Variants in CACNA1I observed in about 807,000 individuals in gnomAD.
The protein encoded by CACNA1I is voltage-dependent T-type calcium channel subunit alpha-1I.
CACNA1I carries 74 observed loss-of-function variants against 201.6 expected under a neutral mutation model. That is an observed-to-expected ratio of 0.37 (90% CI 0.30 to 0.45). The LOEUF is 0.45. Among genes scored for constraint, CACNA1I ranks in the 20% least tolerant of loss-of-function variants. The pLI is 1.00. For missense variants in CACNA1I, 2,346 were observed against 3,138.1 expected, an observed-to-expected ratio of 0.75 and a Z score of 6.03; for synonymous variants, 1,431 against 1,345.2, an observed-to-expected ratio of 1.06 and a Z score of -1.40.
chr22:39,686,140 T>C lies in CACNA1I; in HGVS notation c.6407T>C (p.Phe2136Ser). The C allele has an allele frequency of 8.1e-7, 1 of 1,229,286 alleles. No homozygotes were observed. Among genetic ancestry groups the C allele is most frequent in the Non-Finnish European group, 1.0e-6 (1 of 983,466 alleles). The allele number at this position is 1,229,286 out of a possible 1,614,324, so 76.1% of individuals were successfully genotyped here. A position where few individuals can be genotyped will look rare whatever the true frequency, so the allele number is the denominator to read the frequency against. The change falls in exon 37 of 37, where the codon TTC becomes TCC. Residue 2136 changes from phenylalanine to serine, a missense_variant. Coordinates refer to ENST00000402142, the MANE Select transcript of CACNA1I (RefSeq NM_021096.4). ...TLSSLSLTSL[F>S]CPPPPPPAPG... ...AGCAGCCTCTCGCTCACCTCCCTCT[T>C]CTGCCCGCCGCCCCCGCCGCCAGCC...
Position 39,684,584 on chromosome 22 carries a change from A to G in CACNA1I, c.6027+86A>G. Reference sequence around the variant, plus strand: ...AGGCCTGGAAGTCCAAGGGACTGGGAGGGGAAGGACCCAACCAAAGGCCGA... The same window carrying G: ...AGGCCTGGAAGTCCAAGGGACTGGGGGGGGAAGGACCCAACCAAAGGCCGA... On this transcript the variant is annotated intron_variant, in intron 36 of 36. Coordinates refer to ENST00000402142, the MANE Select transcript of CACNA1I (RefSeq NM_021096.4). The surrounding 1 kb of genome is among the most constrained non-coding windows in gnomAD (Gnocchi z 4.6). The G allele has an allele frequency of 6.9e-7, 1 of 1,451,470 alleles. No homozygotes were observed. Among genetic ancestry groups the G allele is most frequent in the Non-Finnish European group, 9.5e-7 (1 of 1,055,414 alleles). The allele number at this position is 1,451,470 out of a possible 1,614,324, so 89.9% of individuals were successfully genotyped here.
Position 39,659,057 on chromosome 22 carries a change from G to A in CACNA1I, c.2271G>A (p.Lys757=), listed in dbSNP as rs1934914792. 6 of 1,613,378 alleles carry A rather than the reference G, an allele frequency of 3.7e-6. No homozygotes were observed. Among genetic ancestry groups the A allele is most frequent in the Non-Finnish European group, 5.1e-6 (6 of 1,179,798 alleles). ...ALRRQLVVLM[K]TMDNVATFCM... is the part of the protein sequence containing the mutation. The stretch of plus-strand genomic sequence containing the variant: ...GGCGCCAGCTCGTGGTGCTCATGAA[G>A]ACCATGGACAACGTGGCCACCTTCT... The change falls in exon 12 of 37, where the codon AAG becomes AAA. Residue 757 remains lysine (K), a synonymous_variant. Transcript: ENST00000402142. The surrounding 1 kb of genome is among the most constrained non-coding windows in gnomAD (Gnocchi z 4.3).
In CACNA1I at chr22:39,679,349, C is replaced by G; in HGVS notation, c.5298C>G (p.Thr1766=). 2 of 1,541,070 alleles carry G rather than the reference C, an allele frequency of 1.3e-6. No homozygotes were observed. Among genetic ancestry groups the G allele is most frequent in the Middle Eastern group, 1.8e-4 (1 of 5,462 alleles). The part of the protein sequence containing the change: ...HGLGPGPRLP[T]GSPGAPGRGP... ...TGGGCCCTGGCCCGAGGCTGCCTAC[C>G]GGCTCCCCGGGCGCCCCTGGCCGAG... is the stretch of plus-strand genomic sequence containing the variant. The change falls in exon 32 of 37, where the codon ACC becomes ACG. Residue 1766 remains threonine (T), a synonymous_variant. Transcript: ENST00000402142.
chr22:39,632,757 T>G (rs1370490505), intron 4 of CACNA1I, among the ~76,000 whole-genome samples: 2 of 152,196 alleles, frequency 1.3e-5, no homozygotes, highest in East Asian at 3.9e-4. Flanking sequence ...GGCCTGCAGT[T>G]GGCCTACTTG....
At chr22:39,662,941 C>A in intron 18 of CACNA1I, 65 bp downstream of exon 18, 2 of 1,116,438 alleles carry the variant, frequency 1.8e-6, no homozygotes, top group Non-Finnish European at 2.6e-6. Context: ...CGGATCTCTG[C>A]CAAGCCAGGC....
chr22:39,651,140 AAC>A (rs1569080414), intron 10 of CACNA1I, among the ~76,000 whole-genome samples: 1 of 152,158 alleles, frequency 6.6e-6, no homozygotes, highest in African/African-American at 2.4e-5. Flanking sequence ...CCTGAGGTCC[AAC>A]GGCGGGGAAG....
At chr22:39,576,222 A>G (rs1245130868) in intron 1 of CACNA1I, among the ~76,000 whole-genome samples, 1 of 152,202 alleles carries the variant, frequency 6.6e-6, no homozygotes, top group Non-Finnish European at 1.5e-5. Flanking sequence ...GGTTCCTGTA[A>G]AGCACCCAGC....
At chr22:39,605,733 A>G (rs936990672) in intron 3 of CACNA1I, among the ~76,000 whole-genome samples, 2 of 152,072 alleles carry the variant, frequency 1.3e-5, no homozygotes, top group Non-Finnish European at 2.9e-5. Context: ...GTGTCACTGT[A>G]TGTCACACTG....
At position 39,680,955 on chromosome 22, in the gene CACNA1I, T is replaced by G; in HGVS notation, c.5567T>G (p.Phe1856Cys). 1.6e-5 allele frequency: 26 copies of G among 1,611,450 alleles called. No individual in the cohort carries two copies. The highest frequency in any genetic ancestry group is 2.2e-5 in the Non-Finnish European group (26 of 1,179,460). ...GTGCAGCTGGCTGAGACGGAGGCCTTCTCCCTGAACTCAGACAGGTCCTCG... is the reference window on the plus strand; with the variant it reads ...GTGCAGCTGGCTGAGACGGAGGCCTGCTCCCTGAACTCAGACAGGTCCTCG... ...QEVQLAETEAFSLNSDRSSSI... is the reference protein window; with the variant it reads ...QEVQLAETEACSLNSDRSSSI... The change falls in exon 34 of 37, where the codon TTC (phenylalanine) becomes TGC (cysteine). Residue 1856 changes from phenylalanine to cysteine, a missense_variant. By Grantham distance (205) the Phe-to-Cys change is radical. Transcript: ENST00000402142.
chr22:39,606,415 C>A (rs1045762668), intron 3 of CACNA1I, among the ~76,000 whole-genome samples: 2 of 152,250 alleles, frequency 1.3e-5, no homozygotes, highest in Non-Finnish European at 2.9e-5. Context: ...ATTCCATGCA[C>A]TTCCTGCACT....
At chr22:39,634,507 TTCGTC>T in intron 4 of CACNA1I, 53 bp from the exon 5 acceptor site, 1 of 1,566,254 alleles carries the variant, frequency 6.4e-7, no homozygotes, top group Non-Finnish European at 8.8e-7. Context: ...CTCTCACTCT[TTCGTC>T]TCTGGGACCT....
chr22:39,671,637 C>T lies in CACNA1I; in HGVS notation c.4540-562C>T, dbSNP rs370610433. On this transcript the variant is annotated intron_variant, in intron 26 of 36. Coordinates refer to ENST00000402142, the MANE Select transcript of CACNA1I (RefSeq NM_021096.4). Reference sequence around the variant, plus strand: ...GAGGGGAAGAAGAGGGAAGCAGAGCCGCCAGGTGTGAAATTAATACCTTAT... The same window carrying T: ...GAGGGGAAGAAGAGGGAAGCAGAGCTGCCAGGTGTGAAATTAATACCTTAT... 9.2e-5 allele frequency among the ~76,000 whole-genome samples: 14 copies of T among 151,970 alleles called. No homozygotes were observed. The South Asian group carries it at 1.7e-3, about 18-fold the overall frequency.
chr22:39,615,702 A>G (rs753186396), intron 3 of CACNA1I, among the ~76,000 whole-genome samples: 38 of 152,148 alleles, frequency 2.5e-4, no homozygotes, highest in Non-Finnish European at 4.3e-4. Flanking sequence ...ACGATTCTTC[A>G]CTGTGCAGCT....
chr22:39,675,251 G>A (rs1360862682), intron 29 of CACNA1I, among the ~76,000 whole-genome samples: 1 of 152,256 alleles, frequency 6.6e-6, no homozygotes, highest in Non-Finnish European at 1.5e-5. Flanking sequence ...CGGCGGTGAG[G>A]TGTCAGATGG....
rs772713678 is a variant in CACNA1I at position 39,646,724 on chromosome 22, CGAG to C, written c.1309_1311del (p.Glu437del). 3 of 1,597,702 alleles carry C rather than the reference CGAG, an allele frequency of 1.9e-6. No individual in the cohort carries two copies. In the African/African-American group the frequency reaches 4.0e-5, roughly 21 times the overall value. On this transcript the variant is annotated inframe_deletion, in exon 8 of 37. Coordinates refer to ENST00000402142, the MANE Select transcript of CACNA1I (RefSeq NM_021096.4). ...GCTACGCCGAGCCTGGCGACTGCTA[CGAG>C]GAGATCTTCCAGTATGTCTGCCACA... is the stretch of plus-strand genomic sequence containing the variant.
chr22:39,659,253 C>T lies in CACNA1I; in HGVS notation c.2330+137C>T, dbSNP rs1934921801. ...GTGAAGCCTGACACTGTTCCTCAGT[C>T]CCCTGTGGCTTTCAGCAAGCATGAA... On this transcript the variant is annotated intron_variant, in intron 12 of 36. Transcript: ENST00000402142. The surrounding 1 kb of genome is among the most constrained non-coding windows in gnomAD (Gnocchi z 4.3). 8.9e-7 allele frequency: 1 copy of T among 1,126,256 alleles called. No homozygotes were observed. Among genetic ancestry groups the T allele is most frequent in the Non-Finnish European group, 1.3e-6 (1 of 785,808 alleles). The allele number at this position is 1,126,256 out of a possible 1,614,324, so 69.8% of individuals were successfully genotyped here.
chr22:39,640,763 A>G lies in CACNA1I; in HGVS notation c.741-104A>G. 5.4e-6 allele frequency: 5 copies of G among 930,244 alleles called. No individual in the cohort carries two copies. In the South Asian group the frequency reaches 6.5e-5, roughly 12 times the overall value. 57.6% of individuals were successfully genotyped at this position (930,244 alleles called of 1,614,324 possible). A position where few individuals can be genotyped will look rare whatever the true frequency, so the allele number is the denominator to read the frequency against. ...ACAGCATGTGCCAAGGCCTGGAGGC[A>G]GTGACAAGGCCATCCTGCTATGCTG... On this transcript the variant is annotated intron_variant, in intron 5 of 36. Transcript: ENST00000402142.
Position 39,644,227 on chromosome 22 carries a change from G to A in CACNA1I, c.1149+1338G>A, listed in dbSNP as rs548046434. ...GTTGCAAGAGGAGTCTCCAGTTCCC[G>A]GGAGGGGCTGGAGGATGCTCCATCT... On this transcript the variant is annotated intron_variant, in intron 7 of 36. Transcript: ENST00000402142. 5.2e-4 allele frequency among the ~76,000 whole-genome samples: 79 copies of A among 152,282 alleles called. 1 individual carries two copies. The highest frequency in any genetic ancestry group is 9.9e-4 in the Non-Finnish European group (67 of 68,014).
At chr22:39,610,070 C>T (rs1933343054) in intron 3 of CACNA1I, among the ~76,000 whole-genome samples, 1 of 152,244 alleles carries the variant, frequency 6.6e-6, no homozygotes, top group Non-Finnish European at 1.5e-5. Flanking sequence ...CTGCACAACT[C>T]TGTGTGCACT....
Sources: allele counts gnomAD v4.1 joint callset (sites outside exome capture counted in the v4.1 genomes callset), GRCh38; gene constraint gnomAD v4.1.1; non-coding constraint Gnocchi (gnomAD v3.1); transcripts MANE v1.5; gene names NCBI Gene and HGNC (gene_info 2026-07-23, HGNC 2026-07-21).